CDH4: variants seen among roughly 807,000 people sequenced by gnomAD.
The protein encoded by CDH4 is cadherin-4.
In CDH4, 33 loss-of-function variants were observed where a neutral mutation model predicts 86.0. That is an observed-to-expected ratio of 0.38 (90% CI 0.29 to 0.51). The LOEUF (loss-of-function observed/expected upper bound fraction) is 0.51. Ranked by LOEUF, CDH4 falls within the 20% of genes least tolerant of loss-of-function variation. CDH4 has a pLI of 0.86. For synonymous variants in CDH4, 555 were observed against 549.4 expected (o/e 1.01, Z -0.14); for missense variants, 1,114 against 1,307.4 (o/e 0.85, Z 2.28).
intron 2 of CDH4, among the ~76,000 whole-genome samples, chr20:61,410,847 A>G (rs950306985): frequency 6.0e-5 from 9 of 150,550 alleles, no homozygotes; most frequent in Non-Finnish European, 1.3e-4. Context: ...CCATCCATCC[A>G]TCCGTCCGTC....
chr20:61,584,622 T>C (rs114089549), intron 2 of CDH4, among the ~76,000 whole-genome samples: 1 of 152,056 alleles, frequency 6.6e-6, no homozygotes, highest in Non-Finnish European at 1.5e-5. Context: ...GTTGAATAAA[T>C]GCATGAATAG....
rs146143508 is a variant in CDH4, at chr20:61,928,390, G to A, written c.1972G>A (p.Val658Met). 6.9e-4 allele frequency: 1,116 copies of A among 1,611,860 alleles called. No homozygotes were observed. Among genetic ancestry groups the A allele is most frequent in the Non-Finnish European group, 8.9e-4 (1,048 of 1,180,008 alleles). The change falls in exon 12 of 16, where the codon GTG becomes ATG. Residue 658 changes from valine to methionine, a missense_variant. Around this residue, in one of 3 missense-constraint regions of CDH4, gnomAD observed 705 missense variants for 914.1 expected, o/e 0.77. Transcript: ENST00000614565. The stretch of plus-strand genomic sequence containing the variant: ...CGAGCTGCCCTTTGTCCCGGCGGCC[G>A]TGCGGAAGAACTGGACCATCACCCG... Reference protein sequence around the residue: ...VFELPFVPAAVRKNWTITRLN... With the variant: ...VFELPFVPAAMRKNWTITRLN...
rs1272747314 is a variant in CDH4 at position 61,677,904 on chromosome 20, ATAGG to A, written c.170-65657_170-65654del. On this transcript the variant is annotated intron_variant, in intron 2 of 15. Transcript: ENST00000614565. ...GATGATGGATGATGGATGATAAATG[ATAGG>A]TGATAGATACATTAGATAGATGATG... is the stretch of plus-strand genomic sequence containing the variant. Among the ~76,000 whole-genome samples, 9 of 152,084 alleles carry A rather than the reference ATAGG, an allele frequency of 5.9e-5. No individual in the cohort carries two copies. In the South Asian group the frequency reaches 6.2e-4, roughly 11 times the overall value.
intron 2 of CDH4, among the ~76,000 whole-genome samples, chr20:61,580,818 C>A (rs1387218274): frequency 6.6e-6 from 1 of 152,174 alleles, no homozygotes; most frequent in African/African-American, 2.4e-5. Flanking sequence ...GACCCCAGTC[C>A]CAACTGTGTT....
rs1047849246 is a variant in CDH4 at position 61,769,297 on chromosome 20, C to T, written c.397-3706C>T. On this transcript the variant is annotated intron_variant, in intron 3 of 15. Transcript: ENST00000614565. Reference sequence around the variant, plus strand: ...TTAAGTCTTAGGTGAGACCTAGGAACCTGCATTCCTAATGAGCTCCACAGG... The same window carrying T: ...TTAAGTCTTAGGTGAGACCTAGGAATCTGCATTCCTAATGAGCTCCACAGG... Among the ~76,000 whole-genome samples, 3 of 152,212 alleles carry T rather than the reference C, an allele frequency of 2.0e-5. No homozygotes were observed. The South Asian group carries it at 6.2e-4, about 32-fold the overall frequency.
intron 4 of CDH4, among the ~76,000 whole-genome samples, chr20:61,839,175 T>A (rs1189553735): frequency 6.6e-6 from 1 of 152,228 alleles, no homozygotes; most frequent in Non-Finnish European, 1.5e-5. Context: ...AAAGTGTCTT[T>A]AAAATGCTGG....
intron 2 of CDH4, among the ~76,000 whole-genome samples, chr20:61,361,306 G>A (rs1025259613): frequency 6.6e-6 from 1 of 152,152 alleles, no homozygotes; most frequent in Admixed American, 6.5e-5. Context: ...GGGTGGGAGT[G>A]GGGGAGGATG....
chr20:61,318,239 G>C (rs1003464686), intron 2 of CDH4, among the ~76,000 whole-genome samples: 1 of 152,176 alleles, frequency 6.6e-6, no homozygotes. Flanking sequence ...CGACTCTCCC[G>C]TATGTTCCTC....
chr20:61,926,879 G>A (rs567216342), intron 11 of CDH4, among the ~76,000 whole-genome samples: 2 of 151,638 alleles, frequency 1.3e-5, no homozygotes, highest in African/African-American at 2.4e-5. Context: ...TCTCAAAAAA[G>A]AAAAAAAAGA....
chr20:61,342,290 T>G (rs2084653080), intron 2 of CDH4, among the ~76,000 whole-genome samples: 1 of 152,170 alleles, frequency 6.6e-6, no homozygotes, highest in Non-Finnish European at 1.5e-5. Context: ...CTCTTATTAT[T>G]GCATTGTGAT....
chr20:61,686,199 A>C (rs547548801), intron 2 of CDH4, among the ~76,000 whole-genome samples: 2 of 152,202 alleles, frequency 1.3e-5, no homozygotes. Flanking sequence ...GAGTTCTACA[A>C]ACTGTTTGCT....
intron 7 of CDH4, among the ~76,000 whole-genome samples, chr20:61,878,585 C>T (rs1354057761): frequency 6.6e-6 from 1 of 152,194 alleles, no homozygotes; most frequent in African/African-American, 2.4e-5. Flanking sequence ...TTCAGCAGCC[C>T]CTCCCAGTGG....
intron 2 of CDH4, among the ~76,000 whole-genome samples, chr20:61,399,119 CT>C (rs926368033): frequency 0.015 from 1,140 of 77,058 alleles, 27 homozygotes; most frequent in Middle Eastern, 0.073. Flanking sequence ...GAAAAACCCA[CT>C]TTTTTTTTTT....
chr20:61,791,783 C>G (rs1428378066), intron 4 of CDH4, among the ~76,000 whole-genome samples: 1 of 152,154 alleles, frequency 6.6e-6, no homozygotes, highest in East Asian at 1.9e-4. Context: ...AAGGAGCCGG[C>G]TGTGCACAGG....
intron 4 of CDH4, among the ~76,000 whole-genome samples, chr20:61,825,790 A>G (rs960214504): frequency 1.3e-5 from 2 of 152,134 alleles, no homozygotes; most frequent in African/African-American, 4.8e-5. Flanking sequence ...GTCCAACCGA[A>G]CACCTGACTT....
intron 4 of CDH4, among the ~76,000 whole-genome samples, chr20:61,843,906 C>G (rs757392272): frequency 7.2e-5 from 11 of 152,202 alleles, no homozygotes; most frequent in Non-Finnish European, 1.6e-4. Context: ...CCCAACTTCC[C>G]TGAGGGAACC....
At chr20:61,638,618 T>C (rs1168756510) in intron 2 of CDH4, among the ~76,000 whole-genome samples, 1 of 152,116 alleles carries the variant, frequency 6.6e-6, no homozygotes, top group African/African-American at 2.4e-5. Flanking sequence ...TGGTGAAATA[T>C]AAAGATACCT....
At chr20:61,494,141 T>G (rs1415337022) in intron 2 of CDH4, among the ~76,000 whole-genome samples, 2 of 152,190 alleles carry the variant, frequency 1.3e-5, no homozygotes, top group Admixed American at 6.5e-5. Context: ...GGGCTGGGTG[T>G]GAGCCCCTGC....
intron 2 of CDH4, among the ~76,000 whole-genome samples, chr20:61,585,309 C>T (rs189051992): frequency 4.3e-4 from 66 of 152,356 alleles, no homozygotes; most frequent in African/African-American, 1.5e-3. Context: ...AAGCCCTTCC[C>T]ACCCTCAGTC....
Sources: allele counts gnomAD v4.1 joint callset (sites outside exome capture counted in the v4.1 genomes callset), GRCh38; gene constraint gnomAD v4.1.1; regional missense constraint gnomAD v4.1.1; transcripts MANE v1.5; gene names NCBI Gene and HGNC (gene_info 2026-07-23, HGNC 2026-07-21).